Variants in SPATA31G1 observed in about 807,000 individuals in gnomAD.
SPATA31G1 encodes the protein spermatogenesis-associated protein 31G1.
chr9:35,042,472 T>C, the SPATA31G1 span: 1 of 1,614,218 alleles, frequency 6.2e-7, no homozygotes, highest in Middle Eastern at 1.6e-4. Flanking sequence ...TCTGGGAATA[T>C]GGTGCAAGGC....
the SPATA31G1 span, chr9:35,042,676 C>T: frequency 8.6e-7 from 1 of 1,161,874 alleles, no homozygotes; most frequent in South Asian, 1.5e-5. Context: ...GAATACTGAT[C>T]TCCAAATGAG....
At chr9:35,045,692 A>G in the SPATA31G1 span, 16 of 1,614,104 alleles carry the variant, frequency 9.9e-6, no homozygotes, top group African/African-American at 2.7e-5. Context: ...AGCCAGAGGC[A>G]GGGCGAAGAG....
chr9:35,042,941 AGAG>A, the SPATA31G1 span: 1 of 1,614,178 alleles, frequency 6.2e-7, no homozygotes, highest in South Asian at 1.1e-5. Flanking sequence ...AAGGGGAAGA[AGAG>A]GAAGAGGGGG....
At chr9:35,042,126 A>T in the SPATA31G1 span, 1 of 1,404,488 alleles carries the variant, frequency 7.1e-7, no homozygotes, top group African/African-American at 1.4e-5. Context: ...ATTGCCTGAT[A>T]GAGGAAATTT....
chr9:35,043,551 TCCCCTGGAACTAGC>T, the SPATA31G1 span: 5 of 1,613,822 alleles, frequency 3.1e-6, no homozygotes, highest in Middle Eastern at 1.6e-4. Context: ...ACCCACACAG[TCCCCTGGAACTAGC>T]CCCCTGGAAG....
At chr9:35,045,718 C>T in the SPATA31G1 span, 1 of 1,614,256 alleles carries the variant, frequency 6.2e-7, no homozygotes, top group Middle Eastern at 1.6e-4. Flanking sequence ...GACATCCTGA[C>T]CCCTCGCCAC....
At chr9:35,041,280 G>C in the SPATA31G1 span, 1 of 211,104 alleles carries the variant, frequency 4.7e-6, no homozygotes, top group Admixed American at 5.7e-5. Flanking sequence ...AAAGTAAATT[G>C]ATTTATTACG....
the SPATA31G1 span, chr9:35,044,142 G>C: frequency 5.0e-6 from 8 of 1,614,142 alleles, no homozygotes; most frequent in Non-Finnish European, 6.8e-6. Context: ...GGGGCAGAAA[G>C]AGAACCTCTG....
chr9:35,042,963 G>C, the SPATA31G1 span: 1 of 1,614,136 alleles, frequency 6.2e-7, no homozygotes, highest in East Asian at 2.2e-5. Flanking sequence ...GGAAGACGAG[G>C]CATCTCTGGA....
chr9:35,043,539 G>A, the SPATA31G1 span: 1 of 1,614,102 alleles, frequency 6.2e-7, no homozygotes. Context: ...TGGCGCTGAG[G>A]CACCCACACA....
chr9:35,042,035 A>T, the SPATA31G1 span: 1 of 639,580 alleles, frequency 1.6e-6, no homozygotes, highest in Non-Finnish European at 2.6e-6. Flanking sequence ...GAATCCATGT[A>T]CTTAACCACA....
chr9:35,043,184 G>A, the SPATA31G1 span: 2 of 1,614,166 alleles, frequency 1.2e-6, no homozygotes, highest in Non-Finnish European at 1.7e-6. Flanking sequence ...TAGCATCAGG[G>A]AACCGCCAGC....
the SPATA31G1 span, chr9:35,045,878 CTGGTAA>C: frequency 6.3e-7 from 1 of 1,582,824 alleles, no homozygotes; most frequent in African/African-American, 1.3e-5. Context: ...AGAGAAAAGG[CTGGTAA>C]TACTAGCACT....
At chr9:35,043,624 T>C in the SPATA31G1 span, 3 of 1,614,156 alleles carry the variant, frequency 1.9e-6, no homozygotes, top group Admixed American at 1.7e-5. Context: ...CACAAAAAGA[T>C]GCCCCAAGCT....
the SPATA31G1 span, chr9:35,045,601 G>T: frequency 6.2e-7 from 1 of 1,614,172 alleles, no homozygotes; most frequent in Non-Finnish European, 8.5e-7. Context: ...TTTCCCCAAA[G>T]GTCTCAACAC....
chr9:35,044,654 G>A, the SPATA31G1 span: 6 of 1,614,172 alleles, frequency 3.7e-6, no homozygotes, highest in Non-Finnish European at 3.4e-6. Flanking sequence ...AGGCAGTGGA[G>A]CAAAGAAAGA....
the SPATA31G1 span, chr9:35,045,492 G>C: frequency 1.6e-5 from 26 of 1,614,054 alleles, no homozygotes; most frequent in Admixed American, 4.0e-4. Flanking sequence ...CAAAGCAGGA[G>C]ACCATAGAAG....
At chr9:35,042,903 T>C in the SPATA31G1 span, 1 of 1,614,144 alleles carries the variant, frequency 6.2e-7, no homozygotes, top group Non-Finnish European at 8.5e-7. Flanking sequence ...TGATCACCTG[T>C]GTAAGCAGAA....
the SPATA31G1 span, chr9:35,045,186 A>C: frequency 6.2e-7 from 1 of 1,613,928 alleles, no homozygotes; most frequent in Non-Finnish European, 8.5e-7. Context: ...AGTTCAGCGC[A>C]CAGTACCTCA....
Sources: gnomAD v4.1 joint callset for allele counts on GRCh38, gnomAD v4.1.1 for gene constraint, MANE v1.5 for transcripts, NCBI Gene and HGNC (gene_info 2026-07-23, HGNC 2026-07-21) for gene names.